Variants in NAALADL2 observed in about 807,000 individuals in gnomAD.
NAALADL2 encodes the protein N-acetylated alpha-linked acidic dipeptidase like 2.
In NAALADL2, 76 loss-of-function variants were observed where a neutral mutation model predicts 87.2. The ratio of observed to expected loss-of-function variants is 0.87; its 90% CI spans 0.72 to 1.05. The LOEUF (loss-of-function observed/expected upper bound fraction) is 1.05, where lower values mean the gene tolerates loss of function less well. Among genes scored for constraint, NAALADL2 ranks in the 50% least tolerant of loss-of-function variants. The pLI is 0.00. For missense variants in NAALADL2, 1,089 were observed against 945.8 expected, an observed-to-expected ratio of 1.15 and a Z score of -1.99; for synonymous variants, 354 against 331.0, an observed-to-expected ratio of 1.07 and a Z score of -0.75.
chr3:175,011,266 GAGAGACAGAGAGAC>G (rs1749754276), intron 1 of NAALADL2, among the ~76,000 whole-genome samples: 2 of 113,338 alleles, frequency 1.8e-5, no homozygotes, highest in Admixed American at 1.9e-4. Context: ...GAGAGAGGGA[GAGAGACAGAGAGAC>G]AGAGAGAGAG....
chr3:175,002,421 A>G (rs62287672), intron 1 of NAALADL2, among the ~76,000 whole-genome samples: 17,081 of 152,150 alleles, frequency 0.11, 1,272 homozygotes, highest in East Asian at 0.29. Context: ...AAGAGAAGTT[A>G]ATGAAAAATA....
intron 1 of NAALADL2, among the ~76,000 whole-genome samples, chr3:174,472,657 A>G (rs1427212606): frequency 2.6e-5 from 4 of 152,004 alleles, no homozygotes; most frequent in Non-Finnish European, 5.9e-5. Context: ...CTGTAATTTT[A>G]TTTTTTTGTT....
intron 11 of NAALADL2, among the ~76,000 whole-genome samples, chr3:175,651,669 T>A (rs924192228): frequency 3.3e-5 from 5 of 152,220 alleles, no homozygotes; most frequent in Non-Finnish European, 7.3e-5. Flanking sequence ...TTTTATCCCT[T>A]CAATAATGGA....
intron 2 of NAALADL2, among the ~76,000 whole-genome samples, chr3:175,165,879 A>T (rs912236612): frequency 1.3e-5 from 2 of 151,722 alleles, no homozygotes; most frequent in African/African-American, 4.8e-5. Context: ...ACTCTGATTG[A>T]TCCACCCTCT....
intron 11 of NAALADL2, among the ~76,000 whole-genome samples, chr3:175,719,284 C>A (rs1339449839): frequency 1.3e-5 from 2 of 151,630 alleles, no homozygotes; most frequent in African/African-American, 4.8e-5. Context: ...CTATCTACTA[C>A]TGGTCCAATA....
At chr3:175,315,439 T>G (rs1030107477) in intron 4 of NAALADL2, among the ~76,000 whole-genome samples, 2 of 152,180 alleles carry the variant, frequency 1.3e-5, no homozygotes, top group Non-Finnish European at 2.9e-5. Context: ...GATTAGGAAT[T>G]ATCAGTAATG....
chr3:175,272,977 A>G (rs545532747), intron 4 of NAALADL2, among the ~76,000 whole-genome samples: 2 of 152,284 alleles, frequency 1.3e-5, no homozygotes, highest in South Asian at 4.1e-4. Context: ...CAGATAAACT[A>G]CAAATCAAGA....
At chr3:175,588,941 C>G (rs1181469149) in intron 10 of NAALADL2, among the ~76,000 whole-genome samples, 1 of 152,140 alleles carries the variant, frequency 6.6e-6, no homozygotes, top group East Asian at 1.9e-4. Flanking sequence ...AAGATTATGG[C>G]CACATACTAC....
At position 175,576,102 on chromosome 3, in the gene NAALADL2, A is replaced by G; in HGVS notation, c.1715A>G (p.Gln572Arg). Residue 572 changes from glutamine to arginine, a missense_variant, in exon 10 of 14, where the codon CAG becomes CGG. Transcript: ENST00000454872. ...CCAGAAACCAATATCAGTTCTATAC[A>G]GATACAAGGTGATGCTGATTATTTC... is the stretch of plus-strand genomic sequence containing the variant. Reference protein sequence around the residue: ...QCPETNISSIQIQGDADYFIN... With the variant: ...QCPETNISSIRIQGDADYFIN... The G allele has an allele frequency of 1.9e-6, 3 of 1,612,752 alleles. No homozygotes were observed. The highest frequency in any genetic ancestry group is 2.5e-6 in the Non-Finnish European group (3 of 1,178,756).
chr3:174,454,923 C>T (rs1426933587), intron 1 of NAALADL2, among the ~76,000 whole-genome samples: 3 of 150,336 alleles, frequency 2.0e-5, no homozygotes, highest in African/African-American at 4.9e-5. Flanking sequence ...TAGAAAAGCA[C>T]TCAAAAGATC....
At chr3:175,330,171 A>G (rs1255347161) in intron 5 of NAALADL2, among the ~76,000 whole-genome samples, 1 of 152,216 alleles carries the variant, frequency 6.6e-6, no homozygotes, top group Non-Finnish European at 1.5e-5. Context: ...GCTAAAAAAA[A>G]AGATTTACTA....
intron 4 of NAALADL2, among the ~76,000 whole-genome samples, chr3:175,281,956 G>C (rs191971503): frequency 1.3e-5 from 2 of 151,820 alleles, no homozygotes; most frequent in East Asian, 3.9e-4. Flanking sequence ...AAATTCAACT[G>C]TTCTCATGTT....
chr3:175,067,885 T>C (rs1300534557), intron 1 of NAALADL2, among the ~76,000 whole-genome samples: 1 of 152,092 alleles, frequency 6.6e-6, no homozygotes, highest in Non-Finnish European at 1.5e-5. Flanking sequence ...GTGGTATATA[T>C]ACACCATGAA....
intron 2 of NAALADL2, among the ~76,000 whole-genome samples, chr3:175,232,152 A>AGAG (rs1323753377): frequency 1.3e-5 from 2 of 151,612 alleles, no homozygotes; most frequent in African/African-American, 2.4e-5. Flanking sequence ...AGGAAGAGGA[A>AGAG]GAAGAAGGGG....
At position 175,175,155 on chromosome 3, in the gene NAALADL2, G is replaced by A. The variant is rs558147218; in HGVS notation, c.546-58776G>A. On this transcript the variant is annotated intron_variant, in intron 2 of 13. Transcript: ENST00000454872. ...GGGTAGAATGCAATGTAATATAAAT[G>A]TGCAGAGCTAAAATAATCAATTACC... Among the ~76,000 whole-genome samples the A allele has an allele frequency of 5.3e-5, 8 of 151,994 alleles. No individual in the cohort carries two copies. In the South Asian group the frequency reaches 1.7e-3, roughly 31 times the overall value.
At chr3:174,768,415 A>G (rs67380479) in intron 3 of NAALADL2, among the ~76,000 whole-genome samples, 35,960 of 151,996 alleles carry the variant, frequency 0.24, 4,453 homozygotes, top group Middle Eastern at 0.3. Context: ...TTTGGCATTA[A>G]CTCTGAGCCT....
At chr3:174,732,127 C>G (rs145203674) in intron 2 of NAALADL2, among the ~76,000 whole-genome samples, 1 of 152,166 alleles carries the variant, frequency 6.6e-6, no homozygotes, top group African/African-American at 2.4e-5. Context: ...TCTCACAAAC[C>G]ATCTGTATCT....
rs1754547072 is a variant in NAALADL2 at position 175,804,636 on chromosome 3, C to T, written c.*1433C>T. 6.6e-6 allele frequency: 1 copy of T among 151,744 alleles called. No individual in the cohort carries two copies. Among genetic ancestry groups the T allele is most frequent in the South Asian group, 2.1e-4 (1 of 4,828 alleles). 9.4% of individuals were successfully genotyped at this position (151,744 alleles called of 1,614,324 possible). A position where few individuals can be genotyped will look rare whatever the true frequency, so the allele number is the denominator to read the frequency against. ...TTCAAACATATCTCCCCATGATACACCGCCAGAGTGACATTGCAGACAGTC... is the reference window on the plus strand; with the variant it reads ...TTCAAACATATCTCCCCATGATACATCGCCAGAGTGACATTGCAGACAGTC... On this transcript the variant is annotated 3_prime_UTR_variant, in exon 14 of 14. Transcript: ENST00000454872.
chr3:175,794,593 T>C (rs1429347666), intron 13 of NAALADL2, among the ~76,000 whole-genome samples: 1 of 152,200 alleles, frequency 6.6e-6, no homozygotes, highest in Non-Finnish European at 1.5e-5. Flanking sequence ...GATAACTTCT[T>C]ACTCAGGAAA....
Sources: allele counts gnomAD v4.1 joint callset (sites outside exome capture counted in the v4.1 genomes callset), GRCh38; gene constraint gnomAD v4.1.1; transcripts MANE v1.5; gene names NCBI Gene and HGNC (gene_info 2026-07-23, HGNC 2026-07-21).